Variants in OTUD7A observed in about 807,000 individuals in gnomAD.
The protein encoded by OTUD7A is OTU deubiquitinase 7A.
In OTUD7A, 12 loss-of-function variants were observed where a neutral mutation model predicts 65.7. The observed-to-expected ratio is 0.18, with a 90% CI of 0.12 to 0.30. OTUD7A has a LOEUF of 0.30. Among genes scored for constraint, OTUD7A ranks in the 10% least tolerant of loss-of-function variants. The pLI, the probability that OTUD7A is intolerant of heterozygous loss-of-function variation, is 1.00. For missense variants in OTUD7A, 1,148 were observed against 1,304.8 expected, an observed-to-expected ratio of 0.88 and a Z score of 1.85; for synonymous variants, 641 against 586.3, an observed-to-expected ratio of 1.09 and a Z score of -1.35.
intron 1 of OTUD7A, among the ~76,000 whole-genome samples, chr15:31,853,282 A>T (rs927589484): frequency 6.6e-6 from 1 of 152,220 alleles, no homozygotes; most frequent in African/African-American, 2.4e-5. Context: ...ACAATCATCC[A>T]GCAGACAGCA....
At chr15:31,757,738 T>G (rs1401137102) in intron 1 of OTUD7A, among the ~76,000 whole-genome samples, 3 of 152,250 alleles carry the variant, frequency 2.0e-5, no homozygotes, top group Non-Finnish European at 4.4e-5. Flanking sequence ...CACTTTCATC[T>G]GGACAAAGCA....
chr15:31,743,151 T>A (rs758511945), intron 1 of OTUD7A, among the ~76,000 whole-genome samples: 3 of 152,052 alleles, frequency 2.0e-5, no homozygotes, highest in Non-Finnish European at 4.4e-5. Context: ...AAAATATAAT[T>A]TTTTTCAAGT....
chr15:31,725,510 G>T (rs1159547477), intron 1 of OTUD7A, among the ~76,000 whole-genome samples: 2 of 152,168 alleles, frequency 1.3e-5, no homozygotes, highest in Non-Finnish European at 2.9e-5. Flanking sequence ...TGAGACTTTA[G>T]GATGTCTCCC....
intron 3 of OTUD7A, among the ~76,000 whole-genome samples, chr15:31,634,218 A>C (rs1426398987): frequency 2.0e-5 from 3 of 152,208 alleles, no homozygotes; most frequent in Admixed American, 2.0e-4. Flanking sequence ...GAGCCCCGTC[A>C]GGGCAGGGCT....
intron 1 of OTUD7A, among the ~76,000 whole-genome samples, chr15:31,819,593 A>G (rs912241154): frequency 6.6e-6 from 1 of 152,172 alleles, no homozygotes; most frequent in Non-Finnish European, 1.5e-5. Flanking sequence ...TGAAATTCCA[A>G]TGTATTTTAT....
chr15:31,527,356 A>G (rs138048083), intron 6 of OTUD7A, 48 bp from the exon 7 acceptor site: 202 of 1,601,514 alleles, frequency 1.3e-4, no homozygotes, highest in Admixed American at 9.0e-4. Context: ...GGACATGAGA[A>G]AAGACAAGCC....
At chr15:31,541,259 G>A (rs997801229) in intron 5 of OTUD7A, among the ~76,000 whole-genome samples, 3 of 152,194 alleles carry the variant, frequency 2.0e-5, no homozygotes, top group African/African-American at 7.2e-5. Context: ...TGTGAGGAAT[G>A]TAAGGAAAGA....
chr15:31,629,721 C>T (rs1463284717), intron 3 of OTUD7A, among the ~76,000 whole-genome samples: 1 of 152,170 alleles, frequency 6.6e-6, no homozygotes, highest in Non-Finnish European at 1.5e-5. Flanking sequence ...TCCATCTGGT[C>T]CTGGACGTTT....
intron 1 of OTUD7A, among the ~76,000 whole-genome samples, chr15:31,802,153 A>ATATATATG (rs112482684): frequency 2.0e-4 from 30 of 150,290 alleles, no homozygotes; most frequent in African/African-American, 6.6e-4. Flanking sequence ...ATATATATAT[A>ATATATATG]TGTAAAGGGG....
chr15:31,852,983 T>C (rs1390787892), intron 1 of OTUD7A, among the ~76,000 whole-genome samples: 1 of 151,392 alleles, frequency 6.6e-6, no homozygotes, highest in Admixed American at 6.6e-5. Flanking sequence ...TGGGGAAGAG[T>C]GGGGACAGAC....
chr15:31,532,236 T>C (rs1367027919), intron 5 of OTUD7A, among the ~76,000 whole-genome samples: 3 of 152,192 alleles, frequency 2.0e-5, no homozygotes, highest in Admixed American at 1.3e-4. Flanking sequence ...GATTTAAAAG[T>C]AGTCATCCTA....
At chr15:31,508,999 T>G (rs2041630052) in intron 8 of OTUD7A, among the ~76,000 whole-genome samples, 1 of 152,250 alleles carries the variant, frequency 6.6e-6, no homozygotes, top group African/African-American at 2.4e-5. Context: ...TAATGCTTTT[T>G]GTATGATTTT....
intron 1 of OTUD7A, among the ~76,000 whole-genome samples, chr15:31,696,839 A>G (rs1230384060): frequency 6.6e-6 from 1 of 150,476 alleles, no homozygotes; most frequent in Non-Finnish European, 1.5e-5. Flanking sequence ...AGAGGAAAAT[A>G]GAGGAGGAGT....
chr15:31,576,419 A>C (rs896426612), intron 3 of OTUD7A, among the ~76,000 whole-genome samples: 1 of 152,240 alleles, frequency 6.6e-6, no homozygotes, highest in Non-Finnish European at 1.5e-5. Flanking sequence ...TGCCTCTCAC[A>C]TGTAAATTGT....
At chr15:31,623,889 A>T (rs1442681829) in intron 3 of OTUD7A, among the ~76,000 whole-genome samples, 1 of 152,188 alleles carries the variant, frequency 6.6e-6, no homozygotes, top group Non-Finnish European at 1.5e-5. Context: ...AGCTGTTCCT[A>T]TTCGGCCAAC....
At position 31,768,100 on chromosome 15, in the gene OTUD7A, T is replaced by A. The variant is rs796477293; in HGVS notation, c.-100+102407A>T. 11 of 1,598,966 alleles carry A rather than the reference T, an allele frequency of 6.9e-6. No individual in the cohort carries two copies. In the South Asian group the frequency reaches 1.2e-4, roughly 18 times the overall value. ...AATTGCCATATTTTTTAAAGTGTTG[T>A]CTGTGTTTTCTTAGAGGCATTCCTG... On this transcript the variant is annotated intron_variant, in intron 1 of 12. Coordinates refer to ENST00000307050, the MANE Select transcript of OTUD7A (RefSeq NM_001382637.1).
At chr15:31,572,737 G>A (rs907214435) in intron 3 of OTUD7A, among the ~76,000 whole-genome samples, 1 of 152,110 alleles carries the variant, frequency 6.6e-6, no homozygotes, top group African/African-American at 2.4e-5. Context: ...GGAAAAAGGA[G>A]TCAAACTGTT....
chr15:31,618,349 G>T (rs1366562637), intron 3 of OTUD7A, among the ~76,000 whole-genome samples: 2 of 152,194 alleles, frequency 1.3e-5, no homozygotes, highest in African/African-American at 2.4e-5. Flanking sequence ...CTGAGGAATC[G>T]CCACACTGTC....
chr15:31,483,384 G>T lies in OTUD7A; in HGVS notation c.2712C>A (p.Phe904Leu). 1.5e-6 allele frequency: 2 copies of T among 1,327,504 alleles called. No individual in the cohort carries two copies. The highest frequency in any genetic ancestry group is 1.7e-5 in the South Asian group (1 of 60,018). The allele number at this position is 1,327,504 out of a possible 1,614,324, so 82.2% of individuals were successfully genotyped here. A position where few individuals can be genotyped will look rare whatever the true frequency, so the allele number is the denominator to read the frequency against. The change falls in exon 13 of 13, where the codon TTC (phenylalanine) becomes TTA (leucine). Residue 904 changes from phenylalanine (F) to leucine (L), a missense_variant. Physicochemically the swap from Phe to Leu is conservative, Grantham distance 22. Transcript: ENST00000307050. The part of the protein sequence containing the change: ...QRRCQRENCA[F>L]YGRAETEHYC... ...AGTGCTCGGTCTCGGCGCGCCCGTAGAACGCACAGTTCTCGCGCTGGCAGC... is the reference window on the plus strand; with the variant it reads ...AGTGCTCGGTCTCGGCGCGCCCGTATAACGCACAGTTCTCGCGCTGGCAGC...
Sources: gnomAD v4.1 joint callset for allele counts (sites outside exome capture counted in the v4.1 genomes callset) on GRCh38, gnomAD v4.1.1 for gene constraint, MANE v1.5 for transcripts, NCBI Gene and HGNC (gene_info 2026-07-23, HGNC 2026-07-21) for gene names.